Variants in YTHDC1 observed in about 807,000 individuals in gnomAD.
YTHDC1 encodes the protein YTH N6-methyladenosine RNA binding protein C1, also known as YTH domain-containing protein 1.
Under a neutral mutation model 107.0 loss-of-function variants are expected in YTHDC1, and 12 were observed. The observed-to-expected ratio is 0.11, with a 90% confidence interval of 0.07 to 0.18. The LOEUF is 0.18. YTHDC1 is among the 10% of genes least tolerant of loss of function. The pLI is 1.00. For synonymous variants in YTHDC1, 280 were observed against 289.5 expected (o/e 0.97, Z 0.33); for missense variants, 635 against 898.8 (o/e 0.71, Z 3.75).
Position 68,311,861 on chromosome 4 carries a change from T to C in YTHDC1, c.*2238A>G, listed in dbSNP as rs1287081659. On this transcript the variant is annotated 3_prime_UTR_variant, in exon 17 of 17. Transcript: ENST00000344157. ...TGAAGGAAATGTTAATGTTTAAAAATCTCAGGCCAGGTGCAGTGGCTCACG... is the reference window on the plus strand; with the variant it reads ...TGAAGGAAATGTTAATGTTTAAAAACCTCAGGCCAGGTGCAGTGGCTCACG... 1 of 152,224 alleles carries C rather than the reference T, an allele frequency of 6.6e-6. No homozygotes were observed. The highest frequency in any genetic ancestry group is 1.5e-5 in the Non-Finnish European group (1 of 68,064). 9.4% of individuals were successfully genotyped at this position (152,224 alleles called of 1,614,324 possible). A position where few individuals can be genotyped will look rare whatever the true frequency, so the allele number is the denominator to read the frequency against.
chr4:68,316,576 C>T (rs1373871760), intron 15 of YTHDC1, 128 bp from the exon 16 acceptor site: 1 of 1,075,122 alleles, frequency 9.3e-7, no homozygotes, highest in Admixed American at 3.0e-5. Context: ...ACTTTGATGG[C>T]ATTAAGGTGT....
intron 12 of YTHDC1, 125 bp from the exon 13 acceptor site, chr4:68,318,987 T>C (rs1365644921): frequency 3.2e-6 from 3 of 950,612 alleles, no homozygotes; most frequent in Non-Finnish European, 4.8e-6. Context: ...GTGATGCTAC[T>C]ACTGTATTAT....
chr4:68,316,859 G>C (rs1721914630), intron 15 of YTHDC1, among the ~76,000 whole-genome samples: 1 of 152,174 alleles, frequency 6.6e-6, no homozygotes, highest in South Asian at 2.1e-4. Flanking sequence ...TGTTAAAGTG[G>C]TGAAGCAGGC....
intron 1 of YTHDC1, among the ~76,000 whole-genome samples, chr4:68,346,078 CATATATAT>C (rs34633749): frequency 1.1e-4 from 14 of 132,686 alleles, no homozygotes; most frequent in African/African-American, 1.5e-4. Flanking sequence ...TGTGTGTGTA[CATATATAT>C]ATATATATAT....
chr4:68,335,923 C>T (rs1724105098), intron 4 of YTHDC1, among the ~76,000 whole-genome samples: 1 of 150,426 alleles, frequency 6.6e-6, no homozygotes, highest in South Asian at 2.1e-4. Context: ...CTTCAGTTGC[C>T]AATCACTAGA....
chr4:68,323,537 C>T (rs1722660953), intron 10 of YTHDC1, among the ~76,000 whole-genome samples: 1 of 152,106 alleles, frequency 6.6e-6, no homozygotes, highest in South Asian at 2.1e-4. Context: ...AGACCAGCCT[C>T]GCAAAATGGT....
At chr4:68,341,816 A>G (rs532222500) in intron 1 of YTHDC1, among the ~76,000 whole-genome samples, 1 of 152,176 alleles carries the variant, frequency 6.6e-6, no homozygotes, top group African/African-American at 2.4e-5. Context: ...GGTATCAGGA[A>G]ATTCCCAGTC....
chr4:68,340,812 A>C (rs976896162), intron 1 of YTHDC1, among the ~76,000 whole-genome samples: 1 of 152,106 alleles, frequency 6.6e-6, no homozygotes, highest in Non-Finnish European at 1.5e-5. Context: ...TTTATATTAT[A>C]TACTTTAGAC....
intron 1 of YTHDC1, among the ~76,000 whole-genome samples, chr4:68,348,978 G>A (rs1004467271): frequency 6.6e-6 from 1 of 152,120 alleles, no homozygotes; most frequent in African/African-American, 2.4e-5. Flanking sequence ...TTCCATTACA[G>A]CAACGTCAGT....
chr4:68,325,421 T>G (rs759297808), intron 9 of YTHDC1, among the ~76,000 whole-genome samples: 1 of 152,072 alleles, frequency 6.6e-6, no homozygotes, highest in South Asian at 2.1e-4. Flanking sequence ...AGGGATACAT[T>G]TGAAACAAAG....
chr4:68,345,888 G>A (rs529314805), intron 1 of YTHDC1, among the ~76,000 whole-genome samples: 1 of 151,952 alleles, frequency 6.6e-6, no homozygotes, highest in African/African-American at 2.4e-5. Context: ...CAACAGATCT[G>A]TTGCCTAGGG....
At position 68,336,482 on chromosome 4, in the gene YTHDC1, C is replaced by T. The variant is rs566448206; in HGVS notation, c.883+545G>A. Among the ~76,000 whole-genome samples the T allele has an allele frequency of 7.9e-5, 12 of 152,254 alleles. No individual in the cohort carries two copies. In the South Asian group the frequency reaches 8.3e-4, roughly 11 times the overall value. On this transcript the variant is annotated intron_variant, in intron 4 of 16. Transcript: ENST00000344157. ...CCACAAGAATTTTATTTATAGTCTT[C>T]ATCTCCATCTTATACCTTACACCCC...
chr4:68,342,161 T>C (rs989972219), intron 1 of YTHDC1, among the ~76,000 whole-genome samples: 1 of 152,204 alleles, frequency 6.6e-6, no homozygotes, highest in African/African-American at 2.4e-5. Flanking sequence ...ACACCTTTCA[T>C]TATGGCTCAT....
intron 10 of YTHDC1, 83 bp downstream of exon 10, chr4:68,324,052 GAAAC>G (rs1722716958): frequency 1.6e-6 from 2 of 1,224,982 alleles, no homozygotes; most frequent in African/African-American, 3.0e-5. Context: ...TCTTTCATCA[GAAAC>G]GGTTAAAACG....
At chr4:68,318,647 G>T (rs1722120832) in intron 14 of YTHDC1, 43 bp downstream of exon 14, 1 of 1,605,682 alleles carries the variant, frequency 6.2e-7, no homozygotes, top group South Asian at 1.1e-5. Context: ...ATAAATCAGA[G>T]CCTGATTTTA....
In YTHDC1 at chr4:68,312,430, C is replaced by T. The variant is rs1234277046; in HGVS notation, c.*1669G>A. 6.6e-6 allele frequency: 1 copy of T among 152,154 alleles called. No homozygotes were observed. The highest frequency in any genetic ancestry group is 6.5e-5 in the Admixed American group (1 of 15,278). The allele number at this position is 152,154 out of a possible 1,614,324, so 9.4% of individuals were successfully genotyped here. A position where few individuals can be genotyped will look rare whatever the true frequency, so the allele number is the denominator to read the frequency against. On this transcript the variant is annotated 3_prime_UTR_variant, in exon 17 of 17. Transcript: ENST00000344157. Reference sequence around the variant, plus strand: ...CTTGTCTAGCTTACTGATGAATACACAAAATGCCAATGAAGTGACTTACCA... The same window carrying T: ...CTTGTCTAGCTTACTGATGAATACATAAAATGCCAATGAAGTGACTTACCA...
At chr4:68,341,574 C>A (rs375710297) in intron 1 of YTHDC1, among the ~76,000 whole-genome samples, 10 of 150,708 alleles carry the variant, frequency 6.6e-5, no homozygotes, top group African/African-American at 2.4e-4. Flanking sequence ...GTTTTTAAGG[C>A]GCTTATTAAC....
intron 16 of YTHDC1, among the ~76,000 whole-genome samples, chr4:68,315,120 A>G (rs536721306): frequency 2.6e-5 from 4 of 152,284 alleles, no homozygotes; most frequent in Admixed American, 6.5e-5. Context: ...AAGCCATGTG[A>G]TCAGTTATGG....
At chr4:68,327,854 A>G (rs1723166842) in intron 9 of YTHDC1, among the ~76,000 whole-genome samples, 1 of 152,214 alleles carries the variant, frequency 6.6e-6, no homozygotes, top group Non-Finnish European at 1.5e-5. Context: ...ACTGTAAAGT[A>G]TTGTAAAATT....
Sources: allele counts gnomAD v4.1 joint callset (sites outside exome capture counted in the v4.1 genomes callset), GRCh38; gene constraint gnomAD v4.1.1; transcripts MANE v1.5; gene names NCBI Gene and HGNC (gene_info 2026-07-23, HGNC 2026-07-21).